Variants in SLX4 observed in about 807,000 individuals in gnomAD.
SLX4 encodes SLX4 structure-specific endonuclease subunit.
SLX4 carries 112 observed loss-of-function variants against 146.2 expected under a neutral mutation model. The observed-to-expected ratio is 0.77, with a 90% CI of 0.66 to 0.90. The LOEUF (loss-of-function observed/expected upper bound fraction) is 0.90. Ranked by LOEUF, SLX4 falls within the 40% of genes least tolerant of loss-of-function variation. SLX4 has a pLI of 0.00. For missense variants in SLX4, 2,563 were observed against 2,392.7 expected (o/e 1.07, Z -1.49); for synonymous variants, 1,061 against 997.7 (o/e 1.06, Z -1.20).
rs2040576239 is a variant in SLX4 at position 3,590,664 on chromosome 16, CCT to C, written c.2972_2973del (p.Gln991ArgfsTer12). On this transcript the variant is annotated frameshift_variant, in exon 12 of 15. Transcript: ENST00000294008. LOFTEE classifies it high-confidence loss of function. The surrounding 1 kb of genome is among the most constrained non-coding windows in gnomAD (Gnocchi z 4.8). Reference sequence around the variant, plus strand: ...ATTTGGGACGGCTCTGAGATCTCTCCCTGAGTTGATGAGAAGAGCTGTTCGTA... The same window carrying C: ...ATTTGGGACGGCTCTGAGATCTCTCCGAGTTGATGAGAAGAGCTGTTCGTA... ...GDYEQLFSST[Q>X]GEISEPSQIT... 4 of 1,614,060 alleles carry C rather than the reference CCT, an allele frequency of 2.5e-6. No individual in the cohort carries two copies. Among genetic ancestry groups the C allele is most frequent in the Non-Finnish European group, 3.4e-6 (4 of 1,180,038 alleles).
intron 12 of SLX4, 29 bp downstream of exon 12, chr16:3,588,973 C>T (rs1567168693): frequency 6.2e-7 from 1 of 1,613,574 alleles, no homozygotes. Flanking sequence ...CAAAGACAGT[C>T]CCCTTCCCCA....
At chr16:3,582,795 G>A (rs2040455962) in intron 14 of SLX4, 102 bp from the exon 15 acceptor site, 8 of 1,140,940 alleles carry the variant, frequency 7.0e-6, no homozygotes, top group Non-Finnish European at 1.0e-5. Context: ...GTCCCATGGA[G>A]CCTGGCCTGT....
rs761226343 is a variant in SLX4 at position 3,583,169 on chromosome 16, G to A, written c.5081C>T (p.Ala1694Val). ...KEAPPGLNDD[A>V]QIPASQESVA... is the part of the protein sequence containing the mutation. Reference sequence around the variant, plus strand: ...GGATTCTTGAGAGGCTGGGATCTGGGCGTCATCATTGAGGCCTGGAGGTGC... The same window carrying A: ...GGATTCTTGAGAGGCTGGGATCTGGACGTCATCATTGAGGCCTGGAGGTGC... The change falls in exon 14 of 15, where the codon GCC becomes GTC. Residue 1694 changes from alanine to valine, a missense_variant. Ala to Val is a moderately conservative substitution (Grantham distance 64, BLOSUM62 0). Coordinates refer to ENST00000294008, the MANE Select transcript of SLX4 (RefSeq NM_032444.4). 3.0e-5 allele frequency: 48 copies of A among 1,614,148 alleles called. No homozygotes were observed. The highest frequency in any genetic ancestry group is 3.6e-5 in the Non-Finnish European group (42 of 1,180,054).
In SLX4 at chr16:3,596,187, G is replaced by A. The variant is rs1253503124; in HGVS notation, c.1890C>T (p.Gly630=). 4 of 1,551,296 alleles carry A rather than the reference G, an allele frequency of 2.6e-6. No individual in the cohort carries two copies. The highest frequency in any genetic ancestry group is 1.9e-5 in the Admixed American group (1 of 52,084). Residue 630 remains glycine, a synonymous_variant, in exon 8 of 15, where the codon GGC becomes GGT. Coordinates refer to ENST00000294008, the MANE Select transcript of SLX4 (RefSeq NM_032444.4). ...CTTCCGAGCCAGCCAGGCCCCCACT[G>A]CCGGGCCACGGGCTGGCGCTCAGTC... ...REGLSASPWP[G]SGGLAGSEGT... is the part of the protein sequence containing the mutation.
chr16:3,587,781 C>T (rs1036704241), intron 12 of SLX4, among the ~76,000 whole-genome samples: 6 of 152,180 alleles, frequency 3.9e-5, no homozygotes, highest in East Asian at 1.9e-4. Context: ...CCCTGAGGGC[C>T]GAGGACACTA....
In SLX4 at chr16:3,590,132, T is replaced by C; in HGVS notation, c.3506A>G (p.Lys1169Arg). Residue 1169 changes from lysine to arginine, a missense_variant, in exon 12 of 15, where the codon AAG (lysine) becomes AGG (arginine). Transcript: ENST00000294008. The surrounding 1 kb of genome is among the most constrained non-coding windows in gnomAD (Gnocchi z 4.8). ...TTCCAGAGGATCACTAGAAATGGACTTCATTTTGGTTTGTTCTAGCTCCAG... is the reference window on the plus strand; with the variant it reads ...TTCCAGAGGATCACTAGAAATGGACCTCATTTTGGTTTGTTCTAGCTCCAG... Reference protein sequence around the residue: ...EELELEQTKMKSISSDPLEEK... With the variant: ...EELELEQTKMRSISSDPLEEK... 1 of 1,614,166 alleles carries C rather than the reference T, an allele frequency of 6.2e-7. No homozygotes were observed. The highest frequency in any genetic ancestry group is 8.5e-7 in the Non-Finnish European group (1 of 1,180,040).
At chr16:3,604,146 A>C (rs923723157) in intron 3 of SLX4, among the ~76,000 whole-genome samples, 3 of 151,234 alleles carry the variant, frequency 2.0e-5, no homozygotes, top group Admixed American at 2.0e-4. Flanking sequence ...GCACGAGAAT[A>C]GCTTGAACCT....
intron 10 of SLX4, among the ~76,000 whole-genome samples, chr16:3,593,373 C>T (rs570224462): frequency 6.6e-6 from 1 of 152,162 alleles, no homozygotes; most frequent in Non-Finnish European, 1.5e-5. Context: ...TGCGCCCAGC[C>T]CCTAGGCTAA....
rs1596530339 is a variant in SLX4, at chr16:3,601,875, T to C, written c.950+243A>G. 2.2e-5 allele frequency: 11 copies of C among 498,352 alleles called. No individual in the cohort carries two copies. In the East Asian group the frequency reaches 3.0e-4, roughly 13 times the overall value. The allele number at this position is 498,352 out of a possible 1,614,324, so 30.9% of individuals were successfully genotyped here. ...GGTGATGAAAATAATCCAGAAGTGA[T>C]TGTGGTGACAGTTGCCCAACTGTGT... On this transcript the variant is annotated intron_variant, in intron 4 of 14. Transcript: ENST00000294008.
At chr16:3,592,934 C>A in intron 10 of SLX4, 69 bp from the exon 11 acceptor site, 3 of 1,473,162 alleles carry the variant, frequency 2.0e-6, no homozygotes, top group Non-Finnish European at 1.8e-6. Flanking sequence ...AGCAGACGGT[C>A]TGGGGTGTCC....
At position 3,594,696 on chromosome 16, in the gene SLX4, G is replaced by A. The variant is rs2040631659; in HGVS notation, c.2014-97C>T. 13 of 1,547,794 alleles carry A rather than the reference G, an allele frequency of 8.4e-6. No homozygotes were observed. The Admixed American group carries it at 8.6e-5, about 10-fold the overall frequency. ...CCGCATGGAGGTGGCGCTAGGGTGGGCCGGGAGCCAGGACCTGCATTCTCC... is the reference window on the plus strand; with the variant it reads ...CCGCATGGAGGTGGCGCTAGGGTGGACCGGGAGCCAGGACCTGCATTCTCC... On this transcript the variant is annotated intron_variant, in intron 9 of 14. Coordinates refer to ENST00000294008, the MANE Select transcript of SLX4 (RefSeq NM_032444.4).
In SLX4 at chr16:3,590,319, G is replaced by A. The variant is rs190489079; in HGVS notation, c.3319C>T (p.Leu1107=). 1.2e-6 allele frequency: 2 copies of A among 1,613,884 alleles called. No homozygotes were observed. Among genetic ancestry groups the A allele is most frequent in the Non-Finnish European group, 1.7e-6 (2 of 1,179,974 alleles). The change falls in exon 12 of 15, where the codon CTG becomes TTG. Residue 1107 remains leucine (L), a synonymous_variant. Transcript: ENST00000294008. The surrounding 1 kb of genome is among the most constrained non-coding windows in gnomAD (Gnocchi z 4.8). ...HQKGKERRSV[L]ECRNKGVLMF... is the part of the protein sequence containing the mutation. Reference sequence around the variant, plus strand: ...AGGACCCCCTTATTTCTGCACTCCAGCACGGACCGACGCTCTTTGCCTTTC... The same window carrying A: ...AGGACCCCCTTATTTCTGCACTCCAACACGGACCGACGCTCTTTGCCTTTC...
chr16:3,591,327 C>T lies in SLX4; in HGVS notation c.2328-17G>A, dbSNP rs766325618. The T allele has an allele frequency of 1.6e-5, 25 of 1,607,806 alleles. No individual in the cohort carries two copies. The highest frequency in any genetic ancestry group is 9.9e-5 in the South Asian group (9 of 91,042). On this transcript the variant is annotated splice_polypyrimidine_tract_variant and intron_variant, in intron 11 of 14. Transcript: ENST00000294008. The stretch of plus-strand genomic sequence containing the variant: ...ACGCCAAACCTGCAACACGAAACAT[C>T]GACAGTCATCGCCCCTCTGCGTGGA...
chr16:3,589,673 G>T lies in SLX4; in HGVS notation c.3965C>A (p.Ser1322Tyr). 1 of 1,614,058 alleles carries T rather than the reference G, an allele frequency of 6.2e-7. No homozygotes were observed. The highest frequency in any genetic ancestry group is 8.5e-7 in the Non-Finnish European group (1 of 1,180,050). The change falls in exon 12 of 15, where the codon TCC becomes TAC. Residue 1322 changes from serine to tyrosine, a missense_variant. Transcript: ENST00000294008. The surrounding 1 kb of genome is among the most constrained non-coding windows in gnomAD (Gnocchi z 6.2). ...RPQTPPPQTP[S>Y]SCLTPVSPGT... is the part of the protein sequence containing the mutation. ...TGGAGAGACGGGAGTGAGGCATGAG[G>T]ACGGTGTCTGGGGCGGTGGTGTCTG...
intron 3 of SLX4, among the ~76,000 whole-genome samples, chr16:3,603,599 G>T (rs898386874): frequency 2.0e-5 from 3 of 152,230 alleles, no homozygotes; most frequent in Admixed American, 2.0e-4. Context: ...GCAATGCCAA[G>T]ATCCTGCATA....
rs372448377 is a variant in SLX4, at chr16:3,596,110, C to T, written c.1924+43G>A. ...GCCTCAGCCGCGGGGAGGGGAGGCCCGGGAGGGCAGGGCTGGCCCTAGAGT... is the reference window on the plus strand; with the variant it reads ...GCCTCAGCCGCGGGGAGGGGAGGCCTGGGAGGGCAGGGCTGGCCCTAGAGT... On this transcript the variant is annotated intron_variant, in intron 8 of 14. Coordinates refer to ENST00000294008, the MANE Select transcript of SLX4 (RefSeq NM_032444.4). The T allele has an allele frequency of 4.0e-4, 611 of 1,536,442 alleles. 1 individual carries two copies. Among genetic ancestry groups the T allele is most frequent in the African/African-American group, 2.9e-3 (213 of 73,030 alleles).
At chr16:3,585,585 C>G (rs908562339) in intron 12 of SLX4, among the ~76,000 whole-genome samples, 1 of 90,038 alleles carries the variant, frequency 1.1e-5, no homozygotes, top group Non-Finnish European at 2.2e-5. Flanking sequence ...GACTCTGTCT[C>G]AAAAAAAAAA....
At chr16:3,584,408 A>G (rs897641497) in intron 13 of SLX4, among the ~76,000 whole-genome samples, 4 of 152,054 alleles carry the variant, frequency 2.6e-5, no homozygotes, top group South Asian at 4.1e-4. Context: ...GCGACAGAGC[A>G]AGACTCTGTC....
At position 3,602,319 on chromosome 16, in the gene SLX4, C is replaced by T; in HGVS notation, c.761-12G>A. On this transcript the variant is annotated splice_polypyrimidine_tract_variant and intron_variant, in intron 3 of 14. Transcript: ENST00000294008. ...CCCAAGCCCATACACTGTGGAGAAG[C>T]ACCAAAGATCCGTGAGAATAAACTC... 6.2e-7 allele frequency: 1 copy of T among 1,613,318 alleles called. No individual in the cohort carries two copies. The highest frequency in any genetic ancestry group is 2.2e-5 in the East Asian group (1 of 44,890).
Sources: allele counts gnomAD v4.1 joint callset (sites outside exome capture counted in the v4.1 genomes callset), GRCh38; gene constraint gnomAD v4.1.1; non-coding constraint Gnocchi (gnomAD v3.1); transcripts MANE v1.5; gene names NCBI Gene and HGNC (gene_info 2026-07-23, HGNC 2026-07-21).